CSMD1: variants seen among roughly 807,000 people sequenced by gnomAD.
CSMD1 encodes CUB and Sushi multiple domains 1, also known as CUB and sushi domain-containing protein 1.
A neutral mutation model predicts 417.5 loss-of-function variants in CSMD1; 213 were observed. The ratio of observed to expected loss-of-function variants is 0.51; its 90% CI spans 0.46 to 0.57. The LOEUF (loss-of-function observed/expected upper bound fraction) is 0.57, where lower values mean the gene tolerates loss of function less well. Ranked by LOEUF, CSMD1 falls within the 20% of genes least tolerant of loss-of-function variation. The pLI is 0.00. For missense variants in CSMD1, 6,923 were observed against 4,529.7 expected, an observed-to-expected ratio of 1.53 and a Z score of -15.17; for synonymous variants, 2,862 against 1,736.8, an observed-to-expected ratio of 1.65 and a Z score of -16.11.
Position 4,113,629 on chromosome 8 carries a change from C to G in CSMD1, c.416-81530G>C, listed in dbSNP as rs184981906. 1.8e-4 allele frequency among the ~76,000 whole-genome samples: 27 copies of G among 152,194 alleles called. No individual in the cohort carries two copies. The East Asian group carries it at 4.8e-3, about 27-fold the overall frequency. ...CTGTGTTAGCCAGGATGGTCTTGAA[C>G]TCCTGACCTCCTGATCCACCCGCCT... On this transcript the variant is annotated intron_variant, in intron 3 of 69. Transcript: ENST00000635120.
At chr8:3,575,548 G>A (rs1384428571) in intron 9 of CSMD1, among the ~76,000 whole-genome samples, 2 of 152,216 alleles carry the variant, frequency 1.3e-5, no homozygotes, top group South Asian at 4.1e-4. Flanking sequence ...CCAATAAATT[G>A]TGTCTTTTCA....
At chr8:3,717,035 G>C (rs1413981439) in intron 6 of CSMD1, among the ~76,000 whole-genome samples, 2 of 152,156 alleles carry the variant, frequency 1.3e-5, no homozygotes, top group East Asian at 1.9e-4. Context: ...AGCTTGAAAT[G>C]GTAGAAGCAG....
intron 21 of CSMD1, among the ~76,000 whole-genome samples, chr8:3,354,891 C>CTATCTATAGATATAGATATTTA (rs1563303940): frequency 5.6e-5 from 8 of 142,196 alleles, no homozygotes; most frequent in African/African-American, 1.9e-4. Context: ...ATAGATATGT[C>CTATCTATAGATATAGATATTTA]TATCTATAGA....
intron 1 of CSMD1, among the ~76,000 whole-genome samples, chr8:4,767,364 C>T (rs1354321236): frequency 1.3e-5 from 2 of 152,130 alleles, no homozygotes; most frequent in Non-Finnish European, 2.9e-5. Flanking sequence ...TCACATTTGC[C>T]TTTACGAAAC....
chr8:3,503,977 G>C (rs1030301665), intron 10 of CSMD1, among the ~76,000 whole-genome samples: 1 of 152,084 alleles, frequency 6.6e-6, no homozygotes, highest in Non-Finnish European at 1.5e-5. Flanking sequence ...GGTTGATTTT[G>C]GGGTATGAAA....
intron 12 of CSMD1, among the ~76,000 whole-genome samples, chr8:3,453,267 C>A (rs1454568660): frequency 2.6e-5 from 4 of 152,036 alleles, no homozygotes; most frequent in Non-Finnish European, 5.9e-5. Context: ...AAAACCAGCT[C>A]CTGGATTCAT....
At chr8:3,931,586 G>C (rs903461854) in intron 5 of CSMD1, among the ~76,000 whole-genome samples, 1 of 149,890 alleles carries the variant, frequency 6.7e-6, no homozygotes, top group African/African-American at 2.5e-5. Flanking sequence ...TCAGTGCCAT[G>C]AATTGCCTCA....
chr8:3,119,027 A>G (rs748084284), intron 41 of CSMD1, among the ~76,000 whole-genome samples: 1 of 152,080 alleles, frequency 6.6e-6, no homozygotes, highest in Non-Finnish European at 1.5e-5. Context: ...AAAAATACAA[A>G]AAGTTAGCCT....
At chr8:4,433,584 G>C (rs887755047) in intron 2 of CSMD1, among the ~76,000 whole-genome samples, 1 of 152,108 alleles carries the variant, frequency 6.6e-6, no homozygotes, top group African/African-American at 2.4e-5. Flanking sequence ...GAGATGAAAA[G>C]CGCCCTTAAA....
intron 26 of CSMD1, among the ~76,000 whole-genome samples, chr8:3,250,438 T>G (rs1800179182): frequency 6.6e-6 from 1 of 152,228 alleles, no homozygotes; most frequent in Admixed American, 6.5e-5. Context: ...TGTGCCACAT[T>G]TTCTTAATCC....
chr8:3,719,481 A>C (rs1419394373), intron 6 of CSMD1, among the ~76,000 whole-genome samples: 1 of 152,222 alleles, frequency 6.6e-6, no homozygotes, highest in African/African-American at 2.4e-5. Context: ...TTTAACTCAG[A>C]ACAAAGTTCC....
chr8:2,947,693 G>C (rs1802346653), intron 68 of CSMD1, among the ~76,000 whole-genome samples: 1 of 152,198 alleles, frequency 6.6e-6, no homozygotes, highest in South Asian at 2.1e-4. Flanking sequence ...AATTACTAGA[G>C]CGTGTGCTAC....
chr8:4,440,815 C>A (rs570620880), intron 2 of CSMD1, among the ~76,000 whole-genome samples: 1 of 151,866 alleles, frequency 6.6e-6, no homozygotes, highest in African/African-American at 2.4e-5. Context: ...GGCTAACATG[C>A]TCAAACCTCC....
chr8:3,645,927 G>C (rs955426620), intron 7 of CSMD1, among the ~76,000 whole-genome samples: 5 of 151,848 alleles, frequency 3.3e-5, no homozygotes, highest in South Asian at 2.1e-4. Context: ...TTTAACTCTT[G>C]AATATTCTAT....
chr8:4,362,413 G>C (rs934480426), intron 3 of CSMD1, among the ~76,000 whole-genome samples: 9 of 152,124 alleles, frequency 5.9e-5, no homozygotes, highest in African/African-American at 1.2e-4. Context: ...AGGTCCGAGG[G>C]ATTAGATGTA....
At chr8:3,998,864 T>C (rs1405228072) in intron 4 of CSMD1, among the ~76,000 whole-genome samples, 3 of 150,130 alleles carry the variant, frequency 2.0e-5, no homozygotes, top group Non-Finnish European at 4.4e-5. Context: ...TTTTAAACTA[T>C]ATATAGTTGA....
intron 23 of CSMD1, among the ~76,000 whole-genome samples, chr8:3,318,697 G>A (rs922964289): frequency 6.6e-6 from 1 of 152,138 alleles, no homozygotes; most frequent in Non-Finnish European, 1.5e-5. Context: ...GAAAGCATTT[G>A]CTTTTTGGGT....
chr8:4,617,824 G>A (rs975590724), intron 2 of CSMD1, among the ~76,000 whole-genome samples: 2 of 152,080 alleles, frequency 1.3e-5, no homozygotes, highest in Non-Finnish European at 2.9e-5. Context: ...CCTCCTCCAT[G>A]AGTATATTCA....
At chr8:4,781,075 G>A (rs1452014115) in intron 1 of CSMD1, among the ~76,000 whole-genome samples, 1 of 152,068 alleles carries the variant, frequency 6.6e-6, no homozygotes, top group Admixed American at 6.6e-5. Context: ...GTGTCCCGCC[G>A]TCTTGTTAAG....
Sources: gnomAD v4.1 joint callset for allele counts (sites outside exome capture counted in the v4.1 genomes callset) on GRCh38, gnomAD v4.1.1 for gene constraint, MANE v1.5 for transcripts, NCBI Gene and HGNC (gene_info 2026-07-23, HGNC 2026-07-21) for gene names.